Variants in GRXCR2 observed in about 807,000 individuals in gnomAD.
GRXCR2 encodes the protein glutaredoxin and cysteine rich domain containing 2, also known as glutaredoxin domain-containing cysteine-rich protein 2.
GRXCR2 carries 23 observed loss-of-function variants against 24.8 expected under a neutral mutation model. That is an observed-to-expected ratio of 0.93 (90% CI 0.67 to 1.32). The LOEUF (loss-of-function observed/expected upper bound fraction) is 1.32, where lower values mean the gene tolerates loss of function less well. GRXCR2 is among the 40% of genes most tolerant of loss of function. The pLI is 0.00. For synonymous variants in GRXCR2, 130 were observed against 116.1 expected (o/e 1.12, Z -0.77); for missense variants, 315 against 303.4 (o/e 1.04, Z -0.28).
intron 2 of GRXCR2, among the ~76,000 whole-genome samples, chr5:145,909,884 G>A (rs570749815): frequency 9.2e-5 from 14 of 152,016 alleles, no homozygotes; most frequent in Admixed American, 2.0e-4. Context: ...TCTACCCCCC[G>A]CCCTCACCCC....
intron 2 of GRXCR2, among the ~76,000 whole-genome samples, chr5:145,905,445 T>C (rs1264811362): frequency 6.6e-6 from 1 of 152,244 alleles, no homozygotes; most frequent in Non-Finnish European, 1.5e-5. Flanking sequence ...TGTTATTCAT[T>C]CATTTTTATT....
intron 2 of GRXCR2, among the ~76,000 whole-genome samples, chr5:145,905,654 G>C (rs116764807): frequency 6.6e-6 from 1 of 152,150 alleles, no homozygotes; most frequent in Non-Finnish European, 1.5e-5. Context: ...AAATAATTCC[G>C]AGTTGCATGG....
chr5:145,905,758 A>G (rs3995498), intron 2 of GRXCR2, among the ~76,000 whole-genome samples: 71,874 of 152,018 alleles, frequency 0.47, 18,603 homozygotes, highest in East Asian at 0.73. Flanking sequence ...TAGAGGAGGC[A>G]AAATGCATTC....
intron 1 of GRXCR2, among the ~76,000 whole-genome samples, chr5:145,869,640 C>T (rs1756496087): frequency 6.6e-6 from 1 of 150,934 alleles, no homozygotes; most frequent in South Asian, 2.1e-4. Flanking sequence ...TCACTGCAAG[C>T]TCCGCCTCAC....
rs759306920 is a variant in GRXCR2 at position 145,866,599 on chromosome 5, ACT to A, written c.464_465del (p.Glu155ValfsTer17). ...ILQKEEEAEE[E>X]SLMNKEESYG... ...TAGCTTTCTTCTTTGTTCATCAGAG[ACT>A]CTTCCTCAGCCTCCTCTTCCTTCTG... On this transcript the variant is annotated frameshift_variant, in exon 2 of 3. Coordinates refer to ENST00000377976, the MANE Select transcript of GRXCR2 (RefSeq NM_001080516.2). LOFTEE classifies it high-confidence loss of function. The A allele has an allele frequency of 5.0e-6, 8 of 1,613,460 alleles. No individual in the cohort carries two copies. The highest frequency in any genetic ancestry group is 6.8e-6 in the Non-Finnish European group (8 of 1,179,834).
intron 2 of GRXCR2, among the ~76,000 whole-genome samples, chr5:145,927,943 A>G (rs1242292057): frequency 6.6e-6 from 1 of 152,210 alleles, no homozygotes; most frequent in Non-Finnish European, 1.5e-5. Context: ...AGCAAAAGAA[A>G]CTACCATCAG....
At chr5:145,895,958 A>C (rs1043581276) in intron 2 of GRXCR2, among the ~76,000 whole-genome samples, 4 of 152,212 alleles carry the variant, frequency 2.6e-5, no homozygotes, top group Non-Finnish European at 5.9e-5. Flanking sequence ...AACAGAACAG[A>C]GCCCTCAGAA....
chr5:145,891,727 A>T (rs551729072), intron 2 of GRXCR2, among the ~76,000 whole-genome samples: 1 of 152,206 alleles, frequency 6.6e-6, no homozygotes, highest in Non-Finnish European at 1.5e-5. Flanking sequence ...GCCAAACAAA[A>T]GGCAGTAGAC....
At chr5:145,878,649 C>A (rs1030134102) in intron 2 of GRXCR2, among the ~76,000 whole-genome samples, 1 of 152,094 alleles carries the variant, frequency 6.6e-6, no homozygotes, top group Non-Finnish European at 1.5e-5. Flanking sequence ...GAGAACTTCC[C>A]CAACCTAGCA....
chr5:145,926,804 T>C (rs545700286), intron 2 of GRXCR2, among the ~76,000 whole-genome samples: 1 of 152,254 alleles, frequency 6.6e-6, no homozygotes, highest in Non-Finnish European at 1.5e-5. Context: ...ATTGAATCTA[T>C]AAATTACCTT....
At chr5:145,903,734 G>C (rs1047221443) in intron 2 of GRXCR2, among the ~76,000 whole-genome samples, 1 of 152,196 alleles carries the variant, frequency 6.6e-6, no homozygotes, top group African/African-American at 2.4e-5. Flanking sequence ...GATGGATACA[G>C]TGAAGACAAA....
chr5:145,931,320 C>T (rs1170855645), intron 2 of GRXCR2, among the ~76,000 whole-genome samples: 1 of 152,194 alleles, frequency 6.6e-6, no homozygotes, highest in Non-Finnish European at 1.5e-5. Flanking sequence ...GCATGAGCCA[C>T]TGCACCTGGC....
intron 2 of GRXCR2, among the ~76,000 whole-genome samples, chr5:145,926,659 T>C (rs930620009): frequency 1.2e-4 from 18 of 152,282 alleles, no homozygotes; most frequent in African/African-American, 4.3e-4. Flanking sequence ...AGTCAGGTAG[T>C]GTGATGCCTC....
At chr5:145,873,559 A>C (rs1756567076), upstream of GRXCR2, among the ~76,000 whole-genome samples, 2 of 152,168 alleles carry the variant, frequency 1.3e-5, no homozygotes, top group African/African-American at 2.4e-5. Flanking sequence ...ATTTGAACCC[A>C]GATCTATCTG....
intron 2 of GRXCR2, among the ~76,000 whole-genome samples, chr5:145,910,920 G>A (rs1757156347): frequency 6.6e-6 from 1 of 151,982 alleles, no homozygotes; most frequent in Non-Finnish European, 1.5e-5. Context: ...TGTGGATGAG[G>A]ACGCCAAGGC....
rs1166110901 is a variant in GRXCR2, at chr5:145,858,677, A to G, written c.*1056T>C. On this transcript the variant is annotated 3_prime_UTR_variant, in exon 3 of 3. Transcript: ENST00000377976. ...ATTATCACAGAATGCAGCAGGTCTC[A>G]AGAGATAAATTTTGCAGTGTTATTC... 3 of 152,210 alleles carry G rather than the reference A, an allele frequency of 2.0e-5. No homozygotes were observed. Among genetic ancestry groups the G allele is most frequent in the Non-Finnish European group, 4.4e-5 (3 of 68,042 alleles). 9.4% of individuals were successfully genotyped at this position (152,210 alleles called of 1,614,324 possible). A position where few individuals can be genotyped will look rare whatever the true frequency, so the allele number is the denominator to read the frequency against.
chr5:145,905,155 A>G (rs1353677367), intron 2 of GRXCR2, among the ~76,000 whole-genome samples: 1 of 152,220 alleles, frequency 6.6e-6, no homozygotes, highest in East Asian at 1.9e-4. Flanking sequence ...TTTTGTACTT[A>G]CACAGTCACC....
intron 2 of GRXCR2, among the ~76,000 whole-genome samples, chr5:145,907,466 T>C (rs901708577): frequency 6.6e-6 from 1 of 151,422 alleles, no homozygotes; most frequent in African/African-American, 2.4e-5. Context: ...GAGGCGGAGG[T>C]TGCAGTGAGC....
At chr5:145,887,127 A>G (rs1478302046) in intron 2 of GRXCR2, among the ~76,000 whole-genome samples, 1 of 152,174 alleles carries the variant, frequency 6.6e-6, no homozygotes, top group Non-Finnish European at 1.5e-5. Flanking sequence ...ACAGGATCTC[A>G]CTCTGTTGTC....
Sources: allele counts gnomAD v4.1 joint callset (sites outside exome capture counted in the v4.1 genomes callset), GRCh38; gene constraint gnomAD v4.1.1; transcripts MANE v1.5; gene names NCBI Gene and HGNC (gene_info 2026-07-23, HGNC 2026-07-21).